NCKAP5: variants seen among roughly 807,000 people sequenced by gnomAD.
NCKAP5 encodes nck-associated protein 5.
NCKAP5 carries 92 observed loss-of-function variants against 167.0 expected under a neutral mutation model. That is an observed-to-expected ratio of 0.55 (90% CI 0.47 to 0.66). The LOEUF (loss-of-function observed/expected upper bound fraction) is 0.66, where lower values mean the gene tolerates loss of function less well. Among genes scored for constraint, NCKAP5 ranks in the 30% least tolerant of loss-of-function variants. The pLI, the probability that NCKAP5 is intolerant of heterozygous loss-of-function variation, is 0.00. For synonymous variants in NCKAP5, 891 were observed against 877.4 expected, an observed-to-expected ratio of 1.02 and a Z score of -0.27; for missense variants, 2,378 against 2,315.0, an observed-to-expected ratio of 1.03 and a Z score of -0.56.
intron 4 of NCKAP5, among the ~76,000 whole-genome samples, chr2:133,271,787 T>G (rs138203263): frequency 0.011 from 1,738 of 152,266 alleles, 17 homozygotes; most frequent in Non-Finnish European, 0.017. Flanking sequence ...TAATAGAATT[T>G]TCATTAATTT....
At chr2:132,956,221 C>A (rs1467384520) in intron 8 of NCKAP5, among the ~76,000 whole-genome samples, 1 of 152,100 alleles carries the variant, frequency 6.6e-6, no homozygotes, top group Non-Finnish European at 1.5e-5. Context: ...TTATAAATTA[C>A]CAATTTACAA....
chr2:133,633,468 G>C, the NCKAP5 span, among the ~76,000 whole-genome samples: 4 of 152,308 alleles, frequency 2.6e-5, no homozygotes, highest in East Asian at 3.9e-4. Context: ...TCTCGGAAGA[G>C]TCAAGAATGC....
intron 6 of NCKAP5, among the ~76,000 whole-genome samples, chr2:133,090,251 T>G (rs1476475384): frequency 1.3e-5 from 2 of 151,728 alleles, no homozygotes; most frequent in Non-Finnish European, 2.9e-5. Flanking sequence ...CCCAGAACTC[T>G]TTGCAGTTGT....
chr2:132,768,789 G>A (rs1413213010), intron 16 of NCKAP5, among the ~76,000 whole-genome samples: 3 of 151,294 alleles, frequency 2.0e-5, no homozygotes, highest in Non-Finnish European at 4.4e-5. Flanking sequence ...ACAGGCGCCC[G>A]CCACCACGCC....
chr2:133,399,908 G>A (rs1687991345), intron 3 of NCKAP5, among the ~76,000 whole-genome samples: 1 of 152,074 alleles, frequency 6.6e-6, no homozygotes, highest in African/African-American at 2.4e-5. Flanking sequence ...AAGTTCCATT[G>A]ATATTGACCA....
At chr2:133,086,003 T>A (rs1218784930) in intron 6 of NCKAP5, among the ~76,000 whole-genome samples, 9 of 152,160 alleles carry the variant, frequency 5.9e-5, no homozygotes, top group Admixed American at 5.9e-4. Flanking sequence ...CAATCAATAC[T>A]TGCTACCAGA....
intron 3 of NCKAP5, among the ~76,000 whole-genome samples, chr2:133,433,182 T>C (rs563932941): frequency 1.8e-4 from 28 of 152,346 alleles, no homozygotes; most frequent in East Asian, 9.6e-4. Context: ...TATAAATTTG[T>C]ATGACTTTAA....
intron 3 of NCKAP5, among the ~76,000 whole-genome samples, chr2:133,345,671 T>C (rs1018936931): frequency 3.9e-5 from 6 of 152,166 alleles, no homozygotes; most frequent in Admixed American, 2.0e-4. Flanking sequence ...GTCTCAATAA[T>C]GTTGAGGATA....
chr2:132,892,457 C>T (rs986827323), intron 8 of NCKAP5, among the ~76,000 whole-genome samples: 1 of 152,082 alleles, frequency 6.6e-6, no homozygotes. Context: ...TTCAGAGATA[C>T]AAATCTATGA....
rs796150205 is a variant in NCKAP5 at position 133,128,508 on chromosome 2, C to T, written c.341+1470G>A. Reference sequence around the variant, plus strand: ...ACTATAATTGGAAACTGAAAGATTCCAACTGCTAGAATTAAATCTAGGAGC... The same window carrying T: ...ACTATAATTGGAAACTGAAAGATTCTAACTGCTAGAATTAAATCTAGGAGC... On this transcript the variant is annotated intron_variant, in intron 6 of 19. Transcript: ENST00000409261. 2.0e-4 allele frequency among the ~76,000 whole-genome samples: 30 copies of T among 152,226 alleles called. 1 individual carries two copies. The highest frequency in any genetic ancestry group is 7.2e-4 in the African/African-American group (30 of 41,544).
chr2:133,061,533 G>C (rs2080002352), intron 6 of NCKAP5, among the ~76,000 whole-genome samples: 2 of 152,062 alleles, frequency 1.3e-5, no homozygotes, highest in African/African-American at 4.8e-5. Context: ...AAAACAAAAA[G>C]AAAACTGAGA....
intron 3 of NCKAP5, among the ~76,000 whole-genome samples, chr2:133,399,835 A>C (rs1411540233): frequency 6.6e-6 from 1 of 152,190 alleles, no homozygotes; most frequent in African/African-American, 2.4e-5. Context: ...CAATTTAAAT[A>C]CACTTAAATA....
At chr2:133,594,784 T>C in the NCKAP5 span, among the ~76,000 whole-genome samples, 1 of 152,182 alleles carries the variant, frequency 6.6e-6, no homozygotes, top group East Asian at 1.9e-4. Context: ...ATAGTTACTT[T>C]AAGACACCAA....
chr2:132,973,850 C>T (rs965173544), intron 7 of NCKAP5, among the ~76,000 whole-genome samples: 2 of 152,168 alleles, frequency 1.3e-5, no homozygotes, highest in African/African-American at 4.8e-5. Context: ...GTGAAAGATA[C>T]TCCTAACACT....
chr2:133,201,764 G>A (rs1007673445), intron 5 of NCKAP5, among the ~76,000 whole-genome samples: 23 of 152,074 alleles, frequency 1.5e-4, no homozygotes, highest in Admixed American at 5.2e-4. Flanking sequence ...ATGCTTCTCC[G>A]CCTCATTTCA....
chr2:133,470,404 C>A (rs1692968505), intron 3 of NCKAP5, among the ~76,000 whole-genome samples: 1 of 152,186 alleles, frequency 6.6e-6, no homozygotes, highest in South Asian at 2.1e-4. Context: ...AGAACCACTG[C>A]TCTCTTCAAA....
chr2:132,699,152 C>T (rs1196950114), intron 19 of NCKAP5, among the ~76,000 whole-genome samples: 2 of 152,062 alleles, frequency 1.3e-5, no homozygotes, highest in Admixed American at 1.3e-4. Flanking sequence ...GTCACTCAGC[C>T]GAGTGGTGGG....
At chr2:132,883,782 T>C (rs1054992403) in intron 8 of NCKAP5, among the ~76,000 whole-genome samples, 1 of 152,206 alleles carries the variant, frequency 6.6e-6, no homozygotes, top group African/African-American at 2.4e-5. Context: ...AATTCAAGTG[T>C]TCTCTGTTAT....
At chr2:133,582,752 T>G in the NCKAP5 span, among the ~76,000 whole-genome samples, 1 of 152,228 alleles carries the variant, frequency 6.6e-6, no homozygotes, top group African/African-American at 2.4e-5. Flanking sequence ...CCCTTTGTTA[T>G]AGTGAATAAC....
Sources: allele counts gnomAD v4.1 joint callset (sites outside exome capture counted in the v4.1 genomes callset), GRCh38; gene constraint gnomAD v4.1.1; transcripts MANE v1.5; gene names NCBI Gene and HGNC (gene_info 2026-07-23, HGNC 2026-07-21).